The following CSMD1 variants were observed in gnomAD, a reference collection of about 807,000 sequenced individuals.
The protein encoded by CSMD1 is CUB and sushi domain-containing protein 1.
In CSMD1, 213 loss-of-function variants were observed where a neutral mutation model predicts 417.5. The observed-to-expected ratio is 0.51, with a 90% CI of 0.46 to 0.57. CSMD1 has a LOEUF of 0.57. Among genes scored for constraint, CSMD1 ranks in the 20% least tolerant of loss-of-function variants. The probability of loss-of-function intolerance (pLI) is 0.00; values close to 1 mark genes in which losing one functional copy is unlikely to be tolerated. For missense variants in CSMD1, 6,923 were observed against 4,529.7 expected, an observed-to-expected ratio of 1.53 and a Z score of -15.17; for synonymous variants, 2,862 against 1,736.8, an observed-to-expected ratio of 1.65 and a Z score of -16.11.
At chr8:3,281,250 C>G (rs927399700) in intron 26 of CSMD1, among the ~76,000 whole-genome samples, 4 of 152,032 alleles carry the variant, frequency 2.6e-5, no homozygotes, top group African/African-American at 9.7e-5. Flanking sequence ...TGACACTAGC[C>G]TGGACAGGAT....
At chr8:3,618,235 G>A (rs1229183486) in intron 7 of CSMD1, among the ~76,000 whole-genome samples, 1 of 152,078 alleles carries the variant, frequency 6.6e-6, no homozygotes, top group African/African-American at 2.4e-5. Flanking sequence ...CAAACTCCTG[G>A]CTCAAGTGAC....
rs867625558 is a variant in CSMD1, at chr8:4,417,767, T to C, written c.415+2186A>G. 2.0e-5 allele frequency among the ~76,000 whole-genome samples: 3 copies of C among 152,136 alleles called. No individual in the cohort carries two copies. The East Asian group carries it at 5.8e-4, about 29-fold the overall frequency. On this transcript the variant is annotated intron_variant, in intron 3 of 69. Transcript: ENST00000635120. Reference sequence around the variant, plus strand: ...TCAACTTGAAACATTTTTCTAATTATTATCATTAATTCTACTTCATATACA... The same window carrying C: ...TCAACTTGAAACATTTTTCTAATTACTATCATTAATTCTACTTCATATACA...
chr8:4,744,366 G>C (rs375387069), intron 1 of CSMD1, among the ~76,000 whole-genome samples: 2 of 152,254 alleles, frequency 1.3e-5, no homozygotes, highest in African/African-American at 4.8e-5. Flanking sequence ...CCATTTCAGT[G>C]TTTCGTATTG....
chr8:4,960,004 C>T (rs1809374487), intron 1 of CSMD1, among the ~76,000 whole-genome samples: 1 of 152,156 alleles, frequency 6.6e-6, no homozygotes, highest in African/African-American at 2.4e-5. Context: ...TCTTTGCTCA[C>T]TAGGATGCAA....
chr8:3,125,380 T>G (rs1817449001), intron 41 of CSMD1, among the ~76,000 whole-genome samples: 1 of 152,230 alleles, frequency 6.6e-6, no homozygotes, highest in African/African-American at 2.4e-5. Context: ...CGCATGGCCT[T>G]CTTGCTCTGT....
chr8:4,235,959 C>T (rs1284069975), intron 3 of CSMD1, among the ~76,000 whole-genome samples: 1 of 150,454 alleles, frequency 6.6e-6, no homozygotes, highest in Non-Finnish European at 1.5e-5. Flanking sequence ...ACCTAGTTGC[C>T]AAAATGCTAA....
rs995326419 is a variant in CSMD1, at chr8:4,124,230, G to A, written c.416-92131C>T. On this transcript the variant is annotated intron_variant, in intron 3 of 69. Transcript: ENST00000635120. ...GAAGCTTCAGGGCTCCTGGGCAGGG[G>A]AGTGTGAGGCCTGAGGTCATTAACA... Among the ~76,000 whole-genome samples, 8 of 152,282 alleles carry A rather than the reference G, an allele frequency of 5.3e-5. No homozygotes were observed. In the East Asian group the frequency reaches 1.2e-3, roughly 22 times the overall value.
chr8:3,155,776 C>T (rs1223368254), intron 39 of CSMD1, among the ~76,000 whole-genome samples: 1 of 152,060 alleles, frequency 6.6e-6, no homozygotes, highest in Non-Finnish European at 1.5e-5. Context: ...AGATACTGTC[C>T]TCTAAGGTAT....
chr8:3,236,880 G>T (rs969338067), intron 26 of CSMD1, among the ~76,000 whole-genome samples: 1 of 152,018 alleles, frequency 6.6e-6, no homozygotes, highest in Non-Finnish European at 1.5e-5. Flanking sequence ...GATTATGAGT[G>T]CCCTGTTTTC....
chr8:4,323,044 G>T (rs1032473683), intron 3 of CSMD1, among the ~76,000 whole-genome samples: 2 of 152,164 alleles, frequency 1.3e-5, no homozygotes, highest in African/African-American at 2.4e-5. Context: ...AGAATAGAAA[G>T]ATTTTGACCA....
At chr8:4,806,398 A>C (rs1302191253) in intron 1 of CSMD1, among the ~76,000 whole-genome samples, 3 of 152,148 alleles carry the variant, frequency 2.0e-5, no homozygotes, top group Non-Finnish European at 2.9e-5. Flanking sequence ...TGGATGAAGC[A>C]AAGTTCTTTG....
chr8:4,888,564 C>T (rs199763337), intron 1 of CSMD1, among the ~76,000 whole-genome samples: 2 of 151,878 alleles, frequency 1.3e-5, no homozygotes, highest in East Asian at 3.9e-4. Context: ...CTATGGACCC[C>T]TGTACCCTAA....
chr8:3,942,898 G>A (rs560581546), intron 5 of CSMD1, among the ~76,000 whole-genome samples: 2 of 152,068 alleles, frequency 1.3e-5, no homozygotes, highest in South Asian at 2.1e-4. Flanking sequence ...ATACATCATT[G>A]TGATACTTTT....
intron 2 of CSMD1, among the ~76,000 whole-genome samples, chr8:4,537,714 T>C (rs1266033557): frequency 1.3e-5 from 2 of 152,142 alleles, no homozygotes; most frequent in African/African-American, 4.8e-5. Flanking sequence ...AAAGCATGGC[T>C]TCCCCCAGCG....
chr8:3,795,064 ATATATCTATCAT>A (rs1799970354), intron 5 of CSMD1, among the ~76,000 whole-genome samples: 1 of 132,470 alleles, frequency 7.5e-6, no homozygotes, highest in Non-Finnish European at 1.7e-5. Flanking sequence ...AGCTATAGAT[ATATATCTATCAT>A]GTACAGCTAT....
chr8:3,704,552 T>C (rs1222589956), intron 7 of CSMD1, among the ~76,000 whole-genome samples: 1 of 152,192 alleles, frequency 6.6e-6, no homozygotes, highest in Non-Finnish European at 1.5e-5. Context: ...GAGGAGTTTC[T>C]CATAAAAGCT....
chr8:4,287,377 T>G (rs1038539936), intron 3 of CSMD1, among the ~76,000 whole-genome samples: 2 of 152,212 alleles, frequency 1.3e-5, no homozygotes, highest in Non-Finnish European at 2.9e-5. Context: ...AGAGGAACAA[T>G]GTAATGGAAC....
chr8:4,335,099 A>C (rs1435995207), intron 3 of CSMD1, among the ~76,000 whole-genome samples: 2 of 152,076 alleles, frequency 1.3e-5, no homozygotes. Flanking sequence ...ACAGAGCCAC[A>C]CAATGTTGCC....
intron 18 of CSMD1, 149 bp from the exon 19 acceptor site, chr8:3,369,519 G>A (rs941474323): frequency 5.1e-6 from 3 of 590,732 alleles, no homozygotes; most frequent in African/African-American, 1.9e-5. Context: ...TGAGCTTTAT[G>A]TTACTTGCAA....
Sources: gnomAD v4.1 joint callset for allele counts (sites outside exome capture counted in the v4.1 genomes callset) on GRCh38, gnomAD v4.1.1 for gene constraint, MANE v1.5 for transcripts, NCBI Gene and HGNC (gene_info 2026-07-23, HGNC 2026-07-21) for gene names.